DLGAP2: variants seen among roughly 807,000 people sequenced by gnomAD.
The protein encoded by DLGAP2 is disks large-associated protein 2.
A neutral mutation model predicts 100.3 loss-of-function variants in DLGAP2; 26 were observed. The ratio of observed to expected loss-of-function variants is 0.26; its 90% CI spans 0.19 to 0.36. DLGAP2 has a LOEUF of 0.36. Among genes scored for constraint, DLGAP2 ranks in the 10% least tolerant of loss-of-function variants. The pLI is 1.00. For missense variants in DLGAP2, 1,858 were observed against 1,453.2 expected (o/e 1.28, Z -4.53); for synonymous variants, 886 against 630.1 (o/e 1.41, Z -6.08).
chr8:937,729 C>A (rs1055120910), intron 2 of DLGAP2, among the ~76,000 whole-genome samples: 2 of 152,186 alleles, frequency 1.3e-5, no homozygotes, highest in African/African-American at 4.8e-5. Context: ...CCATCTCCTA[C>A]AATCAAGGGA....
At chr8:1,381,196 C>T (rs564354432) in intron 3 of DLGAP2, 9 of 152,216 alleles carry the variant, frequency 5.9e-5, no homozygotes, top group Admixed American at 5.9e-4. Flanking sequence ...CCAGGATGTC[C>T]AGAAACAAGC....
intron 2 of DLGAP2, among the ~76,000 whole-genome samples, chr8:1,063,771 G>A (rs1347178379): frequency 1.3e-5 from 2 of 152,158 alleles, no homozygotes; most frequent in African/African-American, 2.4e-5. Context: ...GCATATTTAG[G>A]TGGGTATCGA....
chr8:920,377 A>G (rs1331220094), intron 2 of DLGAP2, among the ~76,000 whole-genome samples: 1 of 152,230 alleles, frequency 6.6e-6, no homozygotes, highest in Admixed American at 6.5e-5. Flanking sequence ...TCCCAGGTTC[A>G]AGGACTGTAG....
In DLGAP2 at chr8:1,548,764, C is replaced by T. The variant is rs1345653671; in HGVS notation, c.311C>T (p.Pro104Leu). 16 of 1,599,178 alleles carry T rather than the reference C, an allele frequency of 1.0e-5. No individual in the cohort carries two copies. Among genetic ancestry groups the T allele is most frequent in the Middle Eastern group, 3.3e-4 (2 of 6,026 alleles). ...GGGCACACGTGTGGTCTGGCGCCCC[C>T]GGAGGACTGCGAGCACCTGCACCAC... Reference protein sequence around the residue: ...CSGHTCGLAPPEDCEHLHHGP... With the variant: ...CSGHTCGLAPLEDCEHLHHGP... The change falls in exon 5 of 15, where the codon CCG (proline) becomes CTG (leucine). Residue 104 changes from proline to leucine, a missense_variant. Transcript: ENST00000637795.
At chr8:1,126,250 AT>A (rs920574964) in intron 2 of DLGAP2, among the ~76,000 whole-genome samples, 84 of 152,302 alleles carry the variant, frequency 5.5e-4, no homozygotes, top group African/African-American at 1.8e-3. Context: ...AAATAGGTTG[AT>A]TTTTTTAAGT....
intron 1 of DLGAP2, among the ~76,000 whole-genome samples, chr8:868,405 G>C (rs535579077): frequency 6.6e-6 from 1 of 152,276 alleles, no homozygotes; most frequent in African/African-American, 2.4e-5. Context: ...ACAGAAAAAT[G>C]AGCCATCTTT....
At chr8:797,303 AGAGTATGTATTTTTTT>A (rs1162444842) in intron 1 of DLGAP2, among the ~76,000 whole-genome samples, 4 of 152,064 alleles carry the variant, frequency 2.6e-5, no homozygotes, top group Non-Finnish European at 4.4e-5. Flanking sequence ...ATGGATTCAT[AGAGTATGTATTTTTTT>A]GACTTTGCTT....
Position 1,678,887 on chromosome 8 carries a change from G to A in DLGAP2, c.2704+258G>A, listed in dbSNP as rs1243576261. 9.7e-6 allele frequency: 4 copies of A among 411,964 alleles called. No individual in the cohort carries two copies. The East Asian group carries it at 1.5e-4, about 16-fold the overall frequency. 25.5% of individuals were successfully genotyped at this position (411,964 alleles called of 1,614,324 possible). ...GAATAGAAAATCAACTGTGCTAACA[G>A]TTTTCTTGGGAGCATAGTTGATCTC... is the stretch of plus-strand genomic sequence containing the variant. On this transcript the variant is annotated intron_variant, in intron 12 of 14. Coordinates refer to ENST00000637795, the MANE Select transcript of DLGAP2 (RefSeq NM_001346810.2).
chr8:1,136,962 A>G (rs1051757761), intron 2 of DLGAP2, among the ~76,000 whole-genome samples: 3 of 152,122 alleles, frequency 2.0e-5, no homozygotes, highest in Admixed American at 1.3e-4. Context: ...TGTCTGAAAA[A>G]CTGTAATCCT....
At chr8:1,228,125 G>A (rs1264394631) in intron 2 of DLGAP2, among the ~76,000 whole-genome samples, 1 of 152,006 alleles carries the variant, frequency 6.6e-6, no homozygotes, top group Non-Finnish European at 1.5e-5. Flanking sequence ...TATACCTAAT[G>A]TAAATGATGA....
chr8:1,468,464 G>A (rs940219777), intron 3 of DLGAP2, among the ~76,000 whole-genome samples: 72 of 148,416 alleles, frequency 4.9e-4, no homozygotes, highest in African/African-American at 1.6e-3. Flanking sequence ...GAACCTCCCC[G>A]GTTCACATCG....
intron 8 of DLGAP2, among the ~76,000 whole-genome samples, chr8:1,661,573 G>A (rs972156377): frequency 5.3e-5 from 8 of 152,186 alleles, no homozygotes; most frequent in African/African-American, 1.9e-4. Context: ...AACCATGTAT[G>A]GGAAAACAGA....
rs1189437750 is a variant in DLGAP2 at position 1,164,968 on chromosome 8, C to T, written c.74-93883C>T. Reference sequence around the variant, plus strand: ...GTTGAGCTGTAGAAACCCAAATTATCTTCCCATTAGAGAGTCTGGGAGTTG... The same window carrying T: ...GTTGAGCTGTAGAAACCCAAATTATTTTCCCATTAGAGAGTCTGGGAGTTG... On this transcript the variant is annotated intron_variant, in intron 2 of 14. Transcript: ENST00000637795. Among the ~76,000 whole-genome samples, 3 of 152,210 alleles carry T rather than the reference C, an allele frequency of 2.0e-5. No individual in the cohort carries two copies. The East Asian group carries it at 5.8e-4, about 29-fold the overall frequency.
chr8:1,106,207 TAGG>T (rs1804762714), intron 2 of DLGAP2, among the ~76,000 whole-genome samples: 2 of 145,704 alleles, frequency 1.4e-5, no homozygotes, highest in Admixed American at 1.4e-4. Context: ...GGAGCCATTC[TAGG>T]AGGATTTTGT....
At chr8:847,286 G>C (rs1261558545) in intron 1 of DLGAP2, among the ~76,000 whole-genome samples, 1 of 152,084 alleles carries the variant, frequency 6.6e-6, no homozygotes, top group East Asian at 1.9e-4. Flanking sequence ...TGTTTCTTTT[G>C]ATCTATTTAA....
chr8:790,397 T>A (rs1423893723), intron 1 of DLGAP2, among the ~76,000 whole-genome samples: 1 of 152,160 alleles, frequency 6.6e-6, no homozygotes, highest in Admixed American at 6.5e-5. Context: ...CAAGTTTGTT[T>A]CCCATTTTCT....
chr8:1,386,619 G>A lies in DLGAP2; in HGVS notation c.107-114747G>A, dbSNP rs947893462. The stretch of plus-strand genomic sequence containing the variant: ...AGGCTCCCCTTCGCTCTCTCAGGAA[G>A]ATTCGGAGGATGTGCTGACCCAGAA... On this transcript the variant is annotated intron_variant, in intron 3 of 14. Coordinates refer to ENST00000637795, the MANE Select transcript of DLGAP2 (RefSeq NM_001346810.2). 2.0e-5 allele frequency among the ~76,000 whole-genome samples: 3 copies of A among 152,152 alleles called. No homozygotes were observed. The South Asian group carries it at 6.2e-4, about 32-fold the overall frequency.
chr8:1,534,383 T>C (rs887337846), intron 4 of DLGAP2, among the ~76,000 whole-genome samples: 1 of 152,234 alleles, frequency 6.6e-6, no homozygotes, highest in Admixed American at 6.5e-5. Context: ...TGTTTTCTAA[T>C]GTTACAATAA....
intron 3 of DLGAP2, among the ~76,000 whole-genome samples, chr8:1,338,027 G>C (rs890089951): frequency 7.9e-5 from 12 of 152,232 alleles, no homozygotes; most frequent in African/African-American, 2.9e-4. Flanking sequence ...ACTGAAGAAT[G>C]GACAATGACA....
Sources: gnomAD v4.1 joint callset for allele counts (sites outside exome capture counted in the v4.1 genomes callset) on GRCh38, gnomAD v4.1.1 for gene constraint, MANE v1.5 for transcripts, NCBI Gene and HGNC (gene_info 2026-07-23, HGNC 2026-07-21) for gene names.